Variants in TLN2 observed in about 807,000 individuals in gnomAD.
TLN2 encodes talin-2.
A neutral mutation model predicts 294.7 loss-of-function variants in TLN2; 118 were observed. That is an observed-to-expected ratio of 0.40 (90% CI 0.34 to 0.47). The LOEUF (loss-of-function observed/expected upper bound fraction) is 0.47. Among genes scored for constraint, TLN2 ranks in the 20% least tolerant of loss-of-function variants. The pLI is 0.84. For missense variants in TLN2, 3,083 were observed against 3,282.2 expected, an observed-to-expected ratio of 0.94 and a Z score of 1.48; for synonymous variants, 1,431 against 1,304.5, an observed-to-expected ratio of 1.10 and a Z score of -2.09.
intron 1 of TLN2, among the ~76,000 whole-genome samples, chr15:62,457,613 T>A (rs527626550): frequency 2.6e-5 from 4 of 152,264 alleles, no homozygotes; most frequent in South Asian, 2.1e-4. Context: ...AGGGACAGCG[T>A]TCTGGTGGCG....
At chr15:62,458,604 G>GA (rs55990249) in intron 1 of TLN2, among the ~76,000 whole-genome samples, 4 of 130,132 alleles carry the variant, frequency 3.1e-5, no homozygotes, top group African/African-American at 8.8e-5. Context: ...CGTCTCTACA[G>GA]AAAAAAAAAA....
chr15:62,555,535 C>T (rs540646407), intron 1 of TLN2, among the ~76,000 whole-genome samples: 4 of 152,244 alleles, frequency 2.6e-5, no homozygotes, highest in Admixed American at 6.5e-5. Context: ...TTAACTGTGG[C>T]GTTTGCCACA....
intron 58 of TLN2, among the ~76,000 whole-genome samples, chr15:62,840,052 G>A (rs2070436571): frequency 6.6e-6 from 1 of 152,298 alleles, no homozygotes; most frequent in South Asian, 2.1e-4. Context: ...CTTTAGCCTT[G>A]CCCATACCTG....
At chr15:62,781,078 A>G in intron 43 of TLN2, 62 bp from the exon 44 acceptor site, 1 of 1,288,504 alleles carries the variant, frequency 7.8e-7, no homozygotes, top group Non-Finnish European at 1.1e-6. Context: ...AATTCTCGTA[A>G]ATACAGTCTA....
intron 1 of TLN2, among the ~76,000 whole-genome samples, chr15:62,543,080 G>C (rs1201170313): frequency 6.6e-6 from 1 of 152,090 alleles, no homozygotes; most frequent in Non-Finnish European, 1.5e-5. Flanking sequence ...TGCTGGAGAG[G>C]CCATCCACAG....
chr15:62,727,223 G>A, intron 28 of TLN2, 34 bp downstream of exon 28: 1 of 1,589,840 alleles, frequency 6.3e-7, no homozygotes, highest in Non-Finnish European at 8.6e-7. Context: ...ACTGTGGCCA[G>A]CTTCAGGCCA....
intron 1 of TLN2, among the ~76,000 whole-genome samples, chr15:62,505,799 A>G (rs1747885762): frequency 6.6e-6 from 1 of 152,154 alleles, no homozygotes; most frequent in African/African-American, 2.4e-5. Context: ...AATCTGTAAC[A>G]TAGTTTTTGA....
intron 11 of TLN2, among the ~76,000 whole-genome samples, chr15:62,685,476 CT>C (rs955872062): frequency 3.2e-4 from 48 of 152,044 alleles, no homozygotes; most frequent in Admixed American, 3.0e-3. Context: ...ACATTTATAA[CT>C]TTTTTTTAAA....
intron 50 of TLN2, among the ~76,000 whole-genome samples, chr15:62,804,081 A>G (rs2066112685): frequency 6.6e-6 from 1 of 152,202 alleles, no homozygotes; most frequent in Non-Finnish European, 1.5e-5. Flanking sequence ...CAGAAGAATT[A>G]TCTGGATTAC....
intron 9 of TLN2, among the ~76,000 whole-genome samples, chr15:62,668,532 A>G (rs1295283768): frequency 1.3e-5 from 2 of 152,254 alleles, no homozygotes; most frequent in South Asian, 2.1e-4. Context: ...TATTCTGATT[A>G]TTATTTTATT....
At chr15:62,740,408 G>A in intron 31 of TLN2, 1 of 516,090 alleles carries the variant, frequency 1.9e-6, no homozygotes, top group Non-Finnish European at 3.4e-6. Context: ...CTTGGGGATG[G>A]ATTTCTTTCC....
At chr15:62,781,065 C>G (rs568078980) in intron 43 of TLN2, 75 bp from the exon 44 acceptor site, 1 of 1,151,076 alleles carries the variant, frequency 8.7e-7, no homozygotes, top group Non-Finnish European at 1.3e-6. Flanking sequence ...TTTCAAAGTT[C>G]CTAATTCTCG....
At chr15:62,554,826 C>T (rs1567092186) in intron 1 of TLN2, among the ~76,000 whole-genome samples, 1 of 152,110 alleles carries the variant, frequency 6.6e-6, no homozygotes, top group Non-Finnish European at 1.5e-5. Flanking sequence ...GATAACTTTG[C>T]ACCTCTGTCC....
intron 1 of TLN2, among the ~76,000 whole-genome samples, chr15:62,483,256 C>G (rs1349183535): frequency 6.6e-6 from 1 of 152,172 alleles, no homozygotes; most frequent in Non-Finnish European, 1.5e-5. Context: ...TTGCATTTAA[C>G]AGGAATGGAC....
At chr15:62,794,823 A>C (rs1050829026) in intron 46 of TLN2, among the ~76,000 whole-genome samples, 1 of 152,102 alleles carries the variant, frequency 6.6e-6, no homozygotes, top group Admixed American at 6.5e-5. Flanking sequence ...CTCATACTCC[A>C]TGCCTCTTGC....
intron 43 of TLN2, among the ~76,000 whole-genome samples, chr15:62,777,158 A>T (rs1319913753): frequency 6.6e-6 from 1 of 152,214 alleles, no homozygotes; most frequent in Non-Finnish European, 1.5e-5. Flanking sequence ...AAGATATCAT[A>T]GGTTTCCTCA....
At chr15:62,733,931 T>C (rs1012640463) in intron 28 of TLN2, 11 of 152,312 alleles carry the variant, frequency 7.2e-5, no homozygotes, top group African/African-American at 2.4e-4. Context: ...GTGATGACCA[T>C]TGAGAATGTT....
chr15:62,437,983 C>T (rs149656893), intron 1 of TLN2, among the ~76,000 whole-genome samples: 1 of 152,286 alleles, frequency 6.6e-6, no homozygotes, highest in African/African-American at 2.4e-5. Context: ...ATCCCCTTTC[C>T]CACTCTCGCC....
chr15:62,535,913 G>A (rs1183751393), intron 1 of TLN2, among the ~76,000 whole-genome samples: 1 of 152,118 alleles, frequency 6.6e-6, no homozygotes, highest in Non-Finnish European at 1.5e-5. Context: ...TGTATGAACC[G>A]TTCTCACTTT....
Sources: allele counts gnomAD v4.1 joint callset (sites outside exome capture counted in the v4.1 genomes callset), GRCh38; gene constraint gnomAD v4.1.1; transcripts MANE v1.5; gene names NCBI Gene and HGNC (gene_info 2026-07-23, HGNC 2026-07-21).